Variants in WARS2 observed in about 807,000 individuals in gnomAD.
WARS2 encodes the protein tryptophanyl tRNA synthetase 2, mitochondrial.
In WARS2, 28 loss-of-function variants were observed where a neutral mutation model predicts 36.5. The ratio of observed to expected loss-of-function variants is 0.77; its 90% confidence interval spans 0.57 to 1.05. The LOEUF (loss-of-function observed/expected upper bound fraction) is 1.05. Among genes scored for constraint, WARS2 ranks in the 50% least tolerant of loss-of-function variants. The pLI is 0.00. For synonymous variants in WARS2, 174 were observed against 178.4 expected (o/e 0.98, Z 0.20); for missense variants, 435 against 456.8 (o/e 0.95, Z 0.44).
chr1:119,080,690 C>T (rs1293938617), intron 1 of WARS2, among the ~76,000 whole-genome samples: 1 of 152,190 alleles, frequency 6.6e-6, no homozygotes, highest in East Asian at 1.9e-4. Context: ...GGCCTGACGG[C>T]ATGGCAGGGG....
At position 119,073,036 on chromosome 1, in the gene WARS2, A is replaced by G. The variant is rs139888116; in HGVS notation, c.348+3314T>C. ...GTAGAATACACCTGTAGTCCTAGCT[A>G]TTACTCAGGTGGCTAAGGTAGGAGG... On this transcript the variant is annotated intron_variant, in intron 2 of 5. Transcript: ENST00000235521. Among the ~76,000 whole-genome samples the G allele has an allele frequency of 2.0e-5, 3 of 151,954 alleles. No individual in the cohort carries two copies. In the East Asian group the frequency reaches 5.8e-4, roughly 29 times the overall value.
At chr1:119,053,512 T>C (rs998170741) in intron 2 of WARS2, among the ~76,000 whole-genome samples, 1 of 152,198 alleles carries the variant, frequency 6.6e-6, no homozygotes, top group African/African-American at 2.4e-5. Context: ...GGCAGACAGC[T>C]GATTTTTTTC....
At chr1:119,085,969 A>T in intron 1 of WARS2, 1 of 1,609,218 alleles carries the variant, frequency 6.2e-7, no homozygotes, top group Non-Finnish European at 8.5e-7. Flanking sequence ...ACGGGCCCAA[A>T]CTCAGCGTTC....
chr1:119,068,804 C>T (rs955998433), intron 2 of WARS2, among the ~76,000 whole-genome samples: 16 of 151,374 alleles, frequency 1.1e-4, no homozygotes, highest in African/African-American at 3.7e-4. Flanking sequence ...CCCCTTCCCA[C>T]GACGTGTCCC....
intron 2 of WARS2, among the ~76,000 whole-genome samples, chr1:119,075,171 T>TATATATATATATATATGA: frequency 6.6e-6 from 1 of 152,046 alleles, no homozygotes; most frequent in African/African-American, 2.4e-5. Context: ...TATACATATA[T>TATATATATATATATATGA]ATGAAATCAG....
At position 119,031,823 on chromosome 1, in the gene WARS2, C is replaced by A. The variant is rs1333153648; in HGVS notation, c.*1088G>T. The A allele has an allele frequency of 6.6e-6, 1 of 152,394 alleles. No individual in the cohort carries two copies. The highest frequency in any genetic ancestry group is 1.5e-5 in the Non-Finnish European group (1 of 68,220). 9.4% of individuals were successfully genotyped at this position (152,394 alleles called of 1,614,324 possible). ...CAGAACCTATTTCAAAGTATTTCTG[C>A]AATGAGCGTAGAGGAGAGAACTTGG... On this transcript the variant is annotated 3_prime_UTR_variant, in exon 6 of 6. Transcript: ENST00000235521.
At chr1:119,102,543 T>C (rs78664615) in intron 1 of WARS2, among the ~76,000 whole-genome samples, 13,797 of 152,292 alleles carry the variant, frequency 0.091, 855 homozygotes, top group Non-Finnish European at 0.13. Context: ...TCAGGTTTTA[T>C]GTTTTTTCCA....
intron 2 of WARS2, among the ~76,000 whole-genome samples, chr1:119,050,069 C>T (rs1649213268): frequency 6.6e-6 from 1 of 152,294 alleles, no homozygotes; most frequent in East Asian, 1.9e-4. Flanking sequence ...TAAGATGAGG[C>T]AAAGTCATCT....
intron 2 of WARS2, among the ~76,000 whole-genome samples, chr1:119,055,718 A>G (rs1292128303): frequency 6.7e-6 from 1 of 150,138 alleles, no homozygotes; most frequent in Non-Finnish European, 1.5e-5. Context: ...AGAGAGAGAG[A>G]AGGAGGAGGA....
chr1:119,066,249 G>A (rs1650841582), intron 2 of WARS2, among the ~76,000 whole-genome samples: 2 of 152,104 alleles, frequency 1.3e-5, no homozygotes, highest in African/African-American at 2.4e-5. Context: ...AGGCTAAGGT[G>A]GGCGGATCAC....
chr1:119,132,111 T>C (rs1249092987), intron 1 of WARS2, among the ~76,000 whole-genome samples: 1 of 152,096 alleles, frequency 6.6e-6, no homozygotes, highest in African/African-American at 2.4e-5. Context: ...GTGAGGAGTA[T>C]TATTAACATG....
chr1:119,091,487 C>T (rs1209165444), intron 1 of WARS2, among the ~76,000 whole-genome samples: 2 of 152,184 alleles, frequency 1.3e-5, no homozygotes, highest in Non-Finnish European at 2.9e-5. Flanking sequence ...GATAGCAAGG[C>T]ACTCAAGAAA....
intron 1 of WARS2, among the ~76,000 whole-genome samples, chr1:119,086,786 A>G (rs961537177): frequency 6.6e-6 from 1 of 152,146 alleles, no homozygotes; most frequent in Non-Finnish European, 1.5e-5. Flanking sequence ...TTCCTCTGAG[A>G]CAAGACTCTG....
chr1:119,088,860 T>C (rs587638386), intron 1 of WARS2, among the ~76,000 whole-genome samples: 58 of 152,298 alleles, frequency 3.8e-4, no homozygotes, highest in Admixed American at 5.9e-4. Flanking sequence ...TATCTCTGCA[T>C]AGAGATACTG....
rs11552864 is a variant in WARS2 at position 119,076,550 on chromosome 1, C to A, written c.148G>T (p.Gly50Cys). ...GIQPTGILHLGNYLGAIESWV... is the reference protein window; with the variant it reads ...GIQPTGILHLCNYLGAIESWV... ...CTCTCAATGGCTCCCAGGTAATTGC[C>A]CAGGTGGAGGATTCCTGTAGGTTGA... is the stretch of plus-strand genomic sequence containing the variant. The change falls in exon 2 of 6, where the codon GGC becomes TGC. Residue 50 changes from glycine to cysteine, a missense_variant. Coordinates refer to ENST00000235521, the MANE Select transcript of WARS2 (RefSeq NM_015836.4). The A allele has an allele frequency of 1.3e-5, 21 of 1,614,018 alleles. No individual in the cohort carries two copies. Among genetic ancestry groups the A allele is most frequent in the Non-Finnish European group, 1.8e-5 (21 of 1,179,996 alleles).
At chr1:119,115,198 C>A (rs1012722279) in intron 1 of WARS2, among the ~76,000 whole-genome samples, 1 of 152,098 alleles carries the variant, frequency 6.6e-6, no homozygotes, top group African/African-American at 2.4e-5. Flanking sequence ...ATCCTTCTTG[C>A]AGTAAGTGCT....
At chr1:119,130,173 A>G (rs1316383075) in intron 1 of WARS2, among the ~76,000 whole-genome samples, 2 of 152,212 alleles carry the variant, frequency 1.3e-5, no homozygotes, top group African/African-American at 4.8e-5. Flanking sequence ...CAATACAATA[A>G]ATGAGCTTTT....
intron 1 of WARS2, among the ~76,000 whole-genome samples, chr1:119,124,792 CAA>C (rs919700074): frequency 4.6e-5 from 7 of 152,168 alleles, no homozygotes; most frequent in Admixed American, 3.9e-4. Flanking sequence ...CAGAAAAAGC[CAA>C]AGTCTTTACA....
chr1:119,072,442 ATAAT>A (rs1651397439), intron 2 of WARS2, among the ~76,000 whole-genome samples: 1 of 152,206 alleles, frequency 6.6e-6, no homozygotes. Flanking sequence ...TAAGTTCAAA[ATAAT>A]TAACTTTATA....
Sources: allele counts gnomAD v4.1 joint callset (sites outside exome capture counted in the v4.1 genomes callset), GRCh38; gene constraint gnomAD v4.1.1; transcripts MANE v1.5; gene names NCBI Gene and HGNC (gene_info 2026-07-23, HGNC 2026-07-21).